Variants in COL21A1 observed in about 807,000 individuals in gnomAD.
COL21A1 encodes the protein collagen type XXI alpha 1 chain, also known as collagen alpha-1(XXI) chain.
A neutral mutation model predicts 137.9 loss-of-function variants in COL21A1; 149 were observed. That is an observed-to-expected ratio of 1.08 (90% CI 0.95 to 1.24). The LOEUF (loss-of-function observed/expected upper bound fraction) is 1.24, where lower values mean the gene tolerates loss of function less well. COL21A1 is among the 50% of genes most tolerant of loss of function. The probability of loss-of-function intolerance (pLI) is 0.00; values close to 1 mark genes in which losing one functional copy is unlikely to be tolerated. For synonymous variants in COL21A1, 456 were observed against 391.5 expected (o/e 1.16, Z -1.95); for missense variants, 1,167 against 1,158.4 (o/e 1.01, Z -0.11).
rs568212981 is a variant in COL21A1 at position 56,176,642 on chromosome 6, A to G, written c.640+2936T>C. ...GAGGAAGGAAAAGAGGGAGGGGGGG[A>G]AGGAGGAAGAAAGGAAGGAAGGAAG... is the stretch of plus-strand genomic sequence containing the variant. On this transcript the variant is annotated intron_variant, in intron 3 of 29. Transcript: ENST00000244728. Among the ~76,000 whole-genome samples, 7 of 145,294 alleles carry G rather than the reference A, an allele frequency of 4.8e-5. 1 individual carries two copies. Among genetic ancestry groups the G allele is most frequent in the African/African-American group, 1.0e-4 (4 of 39,736 alleles).
intron 23 of COL21A1, among the ~76,000 whole-genome samples, chr6:56,065,599 T>G (rs1304594096): frequency 6.6e-6 from 1 of 151,778 alleles, no homozygotes; most frequent in African/African-American, 2.4e-5. Context: ...TGTGCAGCCT[T>G]GAGGGGTGAG....
At chr6:56,218,091 T>C (rs1284389493) in intron 1 of COL21A1, among the ~76,000 whole-genome samples, 2 of 152,118 alleles carry the variant, frequency 1.3e-5, no homozygotes, top group Middle Eastern at 3.2e-3. Flanking sequence ...TATAAAGTTG[T>C]CTAAATACAA....
At chr6:56,129,694 G>GTA (rs1773350940) in intron 12 of COL21A1, among the ~76,000 whole-genome samples, 2 of 115,070 alleles carry the variant, frequency 1.7e-5, no homozygotes, top group Non-Finnish European at 3.7e-5. Flanking sequence ...GTGTGTGTGT[G>GTA]TGTGTGAGAG....
At chr6:56,150,540 A>G (rs1348034054) in intron 10 of COL21A1, among the ~76,000 whole-genome samples, 1 of 151,484 alleles carries the variant, frequency 6.6e-6, no homozygotes, top group East Asian at 2.0e-4. Context: ...ACACACACAC[A>G]CACACACACA....
chr6:56,162,252 T>A (rs932404606), intron 9 of COL21A1, among the ~76,000 whole-genome samples: 2 of 152,116 alleles, frequency 1.3e-5, no homozygotes, highest in Non-Finnish European at 2.9e-5. Flanking sequence ...AGAGTGTGTG[T>A]GTGTTCCTGT....
chr6:56,212,639 G>C (rs1396158446), intron 1 of COL21A1, among the ~76,000 whole-genome samples: 1 of 151,976 alleles, frequency 6.6e-6, no homozygotes, highest in Non-Finnish European at 1.5e-5. Flanking sequence ...AAAAACTATA[G>C]CTTGGAGTCA....
In COL21A1 at chr6:56,370,190, G is replaced by A. The variant is rs540281265; in HGVS notation, c.-39+23781C>T. On this transcript the variant is annotated intron_variant, in intron 1 of 28. Transcript: ENST00000370819. ...CATGGAGTCTGATCTCCAGGTCCTC[G>A]CCTACATTCACGTTCCCAGCAGTGG... Among the ~76,000 whole-genome samples, 32 of 152,168 alleles carry A rather than the reference G, an allele frequency of 2.1e-4. No homozygotes were observed. In the South Asian group the frequency reaches 5.8e-3, roughly 28 times the overall value.
At chr6:56,190,634 C>A (rs1489394866) in intron 1 of COL21A1, among the ~76,000 whole-genome samples, 1 of 152,050 alleles carries the variant, frequency 6.6e-6, no homozygotes, top group Non-Finnish European at 1.5e-5. Context: ...AGAGACACAA[C>A]AAAAAAAGAA....
intron 1 of COL21A1, among the ~76,000 whole-genome samples, chr6:56,308,510 C>T (rs554181177): frequency 1.8e-4 from 28 of 152,176 alleles, no homozygotes; most frequent in African/African-American, 4.3e-4. Flanking sequence ...TCTATTAATA[C>T]GAGGTATATA....
chr6:56,379,462 A>G (rs1000592073), intron 1 of COL21A1, among the ~76,000 whole-genome samples: 3 of 152,200 alleles, frequency 2.0e-5, no homozygotes, highest in African/African-American at 7.2e-5. Flanking sequence ...ATCATTAAAG[A>G]CCCAGGGCAG....
At chr6:56,216,644 C>G (rs1780506205) in intron 1 of COL21A1, among the ~76,000 whole-genome samples, 1 of 152,074 alleles carries the variant, frequency 6.6e-6, no homozygotes, top group African/African-American at 2.4e-5. Flanking sequence ...GCTAGGTCAA[C>G]ATTATTCGCA....
intron 1 of COL21A1, among the ~76,000 whole-genome samples, chr6:56,379,105 G>T (rs967784077): frequency 6.6e-6 from 1 of 152,110 alleles, no homozygotes; most frequent in Non-Finnish European, 1.5e-5. Context: ...TCCCAAGAAG[G>T]GCGGGTACAA....
intron 8 of COL21A1, 82 bp from the exon 9 acceptor site, chr6:56,164,588 ATTTGTGTAAAATG>A: frequency 9.1e-7 from 1 of 1,102,934 alleles, no homozygotes; most frequent in Non-Finnish European, 1.3e-6. Context: ...GCATTTATAT[ATTTGTGTAAAATG>A]GCAAAAATAT....
chr6:56,210,122 G>A (rs1007175294), intron 1 of COL21A1, among the ~76,000 whole-genome samples: 24 of 152,108 alleles, frequency 1.6e-4, no homozygotes, highest in African/African-American at 5.8e-4. Flanking sequence ...GGGGGGCTGG[G>A]GGAGGGGTAG....
intron 1 of COL21A1, among the ~76,000 whole-genome samples, chr6:56,342,662 T>A (rs919408782): frequency 9.2e-5 from 14 of 152,252 alleles, no homozygotes; most frequent in African/African-American, 3.4e-4. Flanking sequence ...CAAAATGGCT[T>A]GGCTAGTAAA....
At chr6:56,266,636 C>T (rs1483116166) in intron 1 of COL21A1, among the ~76,000 whole-genome samples, 2 of 152,140 alleles carry the variant, frequency 1.3e-5, no homozygotes, top group Non-Finnish European at 2.9e-5. Context: ...AAGTACATAC[C>T]TTTTCTGGTA....
intron 1 of COL21A1, among the ~76,000 whole-genome samples, chr6:56,296,324 A>G (rs1764163063): frequency 6.6e-6 from 1 of 151,964 alleles, no homozygotes; most frequent in Admixed American, 6.6e-5. Flanking sequence ...GTTAAACAGC[A>G]AGGGCATTTT....
intron 1 of COL21A1, among the ~76,000 whole-genome samples, chr6:56,350,754 A>G (rs1470627243): frequency 2.0e-5 from 3 of 152,184 alleles, no homozygotes; most frequent in African/African-American, 7.2e-5. Context: ...GCTACTTTCC[A>G]TAAGTTAGTA....
At chr6:56,125,835 G>A (rs2152213971) in intron 13 of COL21A1, among the ~76,000 whole-genome samples, 1 of 151,978 alleles carries the variant, frequency 6.6e-6, no homozygotes, top group South Asian at 2.1e-4. Flanking sequence ...AAGGCTTATA[G>A]TTTAAGGCCT....
Sources: allele counts gnomAD v4.1 joint callset (sites outside exome capture counted in the v4.1 genomes callset), GRCh38; gene constraint gnomAD v4.1.1; transcripts MANE v1.5; gene names NCBI Gene and HGNC (gene_info 2026-07-23, HGNC 2026-07-21).